The following IQSEC1 variants were observed in gnomAD, a reference collection of about 807,000 sequenced individuals.
IQSEC1 encodes the protein IQ motif and Sec7 domain ArfGEF 1, also known as IQ motif and SEC7 domain-containing protein 1.
Under a neutral mutation model 91.0 loss-of-function variants are expected in IQSEC1, and 31 were observed. The ratio of observed to expected loss-of-function variants is 0.34; its 90% CI spans 0.26 to 0.46. The LOEUF (loss-of-function observed/expected upper bound fraction) is 0.46. Ranked by LOEUF, IQSEC1 falls within the 20% of genes least tolerant of loss-of-function variation. The probability of loss-of-function intolerance (pLI) is 1.00; values close to 1 mark genes in which losing one functional copy is unlikely to be tolerated. For synonymous variants in IQSEC1, 699 were observed against 662.6 expected (o/e 1.05, Z -0.84); for missense variants, 1,388 against 1,575.6 (o/e 0.88, Z 2.02).
chr3:13,200,594 A>G (rs898787002), intron 1 of IQSEC1, among the ~76,000 whole-genome samples: 1 of 152,196 alleles, frequency 6.6e-6, no homozygotes, highest in Admixed American at 6.5e-5. Context: ...CTGGCAGGGA[A>G]GTGCACCTGA....
intron 2 of IQSEC1, among the ~76,000 whole-genome samples, chr3:13,113,788 G>A (rs534006836): frequency 2.5e-4 from 38 of 152,350 alleles, no homozygotes; most frequent in African/African-American, 7.7e-4. Flanking sequence ...AGGCCATCCC[G>A]TCTTGGTGGC....
chr3:12,961,719 G>C (rs1019027769), intron 1 of IQSEC1, among the ~76,000 whole-genome samples: 1 of 152,180 alleles, frequency 6.6e-6, no homozygotes, highest in Admixed American at 6.5e-5. Flanking sequence ...AACTTCTCGG[G>C]CCTAAAACAT....
At chr3:13,165,912 G>T (rs192416541) in intron 1 of IQSEC1, among the ~76,000 whole-genome samples, 1 of 152,154 alleles carries the variant, frequency 6.6e-6, no homozygotes, top group Non-Finnish European at 1.5e-5. Flanking sequence ...CCCCGCTTAC[G>T]GACATGCCTG....
At chr3:13,281,349 G>A (rs900688385) in intron 1 of IQSEC1, among the ~76,000 whole-genome samples, 5 of 152,068 alleles carry the variant, frequency 3.3e-5, no homozygotes, top group Admixed American at 1.3e-4. Context: ...GGCAGTGGGC[G>A]GGGTCTCTGC....
At chr3:13,121,727 C>A (rs1706427082) in intron 2 of IQSEC1, among the ~76,000 whole-genome samples, 1 of 152,218 alleles carries the variant, frequency 6.6e-6, no homozygotes, top group Non-Finnish European at 1.5e-5. Flanking sequence ...GAGAATGGGG[C>A]AGGTCAGTTC....
intron 1 of IQSEC1, among the ~76,000 whole-genome samples, chr3:13,266,994 G>A (rs954516730): frequency 9.5e-5 from 14 of 146,812 alleles, no homozygotes; most frequent in African/African-American, 3.1e-4. Flanking sequence ...CCGCTTACTC[G>A]ATTGGACCTT....
chr3:13,215,737 T>C (rs1694531728), intron 1 of IQSEC1, among the ~76,000 whole-genome samples: 1 of 152,156 alleles, frequency 6.6e-6, no homozygotes, highest in African/African-American at 2.4e-5. Context: ...GAGGCCGGTA[T>C]GATCAGCAAT....
rs921305409 is a variant in IQSEC1, at chr3:12,979,482, C to A, written c.24-37617G>T. Among the ~76,000 whole-genome samples, 2 of 152,266 alleles carry A rather than the reference C, an allele frequency of 1.3e-5. No individual in the cohort carries two copies. The highest frequency in any genetic ancestry group is 1.3e-4 in the Admixed American group (2 of 15,302). On this transcript the variant is annotated intron_variant, in intron 1 of 13. Coordinates refer to ENST00000613206, the MANE Select transcript of IQSEC1 (RefSeq NM_001134382.3). This position sits in a 1 kb window ranked among gnomAD's most constrained non-coding sequence, Gnocchi z 4.3. ...TGCTGGATTTGGGTTACAAAAAAGG[C>A]GGACACATGCACGCAGCACGCGCAC...
chr3:13,129,835 TTTTTAG>T (rs1559260974), intron 2 of IQSEC1, among the ~76,000 whole-genome samples: 1 of 151,582 alleles, frequency 6.6e-6, no homozygotes, highest in African/African-American at 2.4e-5. Context: ...TTTTTTTGTG[TTTTTAG>T]TAGAGACAGG....
At chr3:12,989,314 T>C (rs563863460) in intron 1 of IQSEC1, among the ~76,000 whole-genome samples, 1 of 152,380 alleles carries the variant, frequency 6.6e-6, no homozygotes, top group African/African-American at 2.4e-5. Context: ...TGAATGGAGC[T>C]GATGCTTCTA....
chr3:13,169,409 G>A (rs1265328268), intron 1 of IQSEC1, among the ~76,000 whole-genome samples: 1 of 152,212 alleles, frequency 6.6e-6, no homozygotes, highest in African/African-American at 2.4e-5. Context: ...TTTATCAGCA[G>A]TGTGAAAATG....
chr3:12,917,250 G>A (rs182751726), intron 6 of IQSEC1, among the ~76,000 whole-genome samples: 149 of 152,202 alleles, frequency 9.8e-4, no homozygotes, highest in African/African-American at 3.3e-3. Context: ...ACACATCAGC[G>A]TCACCCGAGG....
At chr3:13,130,280 G>A (rs2124914211) in intron 2 of IQSEC1, among the ~76,000 whole-genome samples, 2 of 143,428 alleles carry the variant, frequency 1.4e-5, no homozygotes, top group African/African-American at 2.6e-5. Context: ...GGAGGCAGAA[G>A]TTGCAGTGAA....
At chr3:13,023,638 G>A (rs969772405) in intron 1 of IQSEC1, among the ~76,000 whole-genome samples, 4 of 152,146 alleles carry the variant, frequency 2.6e-5, no homozygotes, top group African/African-American at 4.8e-5. Flanking sequence ...CCCCACCCCC[G>A]GCCTGTGCAG....
At chr3:13,172,561 A>G (rs1412440217) in intron 1 of IQSEC1, among the ~76,000 whole-genome samples, 1 of 152,204 alleles carries the variant, frequency 6.6e-6, no homozygotes, top group African/African-American at 2.4e-5. Flanking sequence ...CAGAACGGGA[A>G]GGAGAATAAC....
chr3:13,142,959 G>T (rs1439441842), intron 2 of IQSEC1, among the ~76,000 whole-genome samples: 3 of 152,166 alleles, frequency 2.0e-5, no homozygotes, highest in Non-Finnish European at 4.4e-5. Context: ...TGTGCCACAT[G>T]GTCCTTCATT....
At chr3:13,066,073 C>T (rs530581125) in intron 1 of IQSEC1, among the ~76,000 whole-genome samples, 34 of 152,228 alleles carry the variant, frequency 2.2e-4, no homozygotes, top group Admixed American at 1.0e-3. Context: ...GTGCCAGGGG[C>T]TGGGGATGCA....
intron 2 of IQSEC1, among the ~76,000 whole-genome samples, chr3:13,083,219 G>A (rs1423081140): frequency 1.3e-5 from 2 of 152,172 alleles, no homozygotes; most frequent in Non-Finnish European, 2.9e-5. Context: ...AGTGTTCAAG[G>A]AGAGAGAGGA....
intron 1 of IQSEC1, among the ~76,000 whole-genome samples, chr3:13,261,150 G>A (rs1486959197): frequency 1.3e-5 from 2 of 152,236 alleles, no homozygotes; most frequent in Non-Finnish European, 2.9e-5. Context: ...GGCCGCCCAG[G>A]CGCCCTCCAG....
Sources: allele counts gnomAD v4.1 joint callset (sites outside exome capture counted in the v4.1 genomes callset), GRCh38; gene constraint gnomAD v4.1.1; non-coding constraint Gnocchi (gnomAD v3.1); transcripts MANE v1.5; gene names NCBI Gene and HGNC (gene_info 2026-07-23, HGNC 2026-07-21).